Variants in TLK1 observed in about 807,000 individuals in gnomAD.
TLK1 encodes the protein tousled like kinase 1, also known as serine/threonine-protein kinase tousled-like 1.
Under a neutral mutation model 105.3 loss-of-function variants are expected in TLK1, and 24 were observed. That is an observed-to-expected ratio of 0.23 (90% CI 0.17 to 0.32). The LOEUF (loss-of-function observed/expected upper bound fraction) is 0.32, where lower values mean the gene tolerates loss of function less well. TLK1 is among the 10% of genes least tolerant of loss of function. The probability of loss-of-function intolerance (pLI) is 1.00; values close to 1 mark genes in which losing one functional copy is unlikely to be tolerated. For synonymous variants in TLK1, 321 were observed against 310.4 expected (o/e 1.03, Z -0.36); for missense variants, 558 against 910.5 (o/e 0.61, Z 4.98).
intron 1 of TLK1, among the ~76,000 whole-genome samples, chr2:171,134,726 T>G (rs985845118): frequency 2.0e-5 from 1 of 49,402 alleles, no homozygotes; most frequent in Admixed American, 1.7e-4. Flanking sequence ...CTATTTGGCC[T>G]TTTTTTTTTT....
intron 11 of TLK1, among the ~76,000 whole-genome samples, chr2:171,035,022 C>G (rs1407270103): frequency 6.6e-6 from 1 of 151,954 alleles, no homozygotes; most frequent in African/African-American, 2.4e-5. Flanking sequence ...GTGAGTGAGT[C>G]TCACAAGATC....
chr2:171,201,966 A>G (rs1693408505), intron 1 of TLK1, among the ~76,000 whole-genome samples: 1 of 152,148 alleles, frequency 6.6e-6, no homozygotes, highest in Non-Finnish European at 1.5e-5. Context: ...TCTATTATCT[A>G]TCTATCTATC....
intron 20 of TLK1, among the ~76,000 whole-genome samples, chr2:170,995,922 C>T (rs540214849): frequency 1.4e-3 from 216 of 152,234 alleles, no homozygotes; most frequent in African/African-American, 4.5e-3. Context: ...AGGCTGGTCT[C>T]GAACTCCTGG....
chr2:171,202,231 G>A (rs576868826), intron 1 of TLK1, among the ~76,000 whole-genome samples: 28 of 151,628 alleles, frequency 1.8e-4, no homozygotes, highest in Non-Finnish European at 3.5e-4. Flanking sequence ...CGAGGAGGGC[G>A]GATCACCTGA....
At chr2:171,022,591 C>T (rs1685579837) in intron 12 of TLK1, among the ~76,000 whole-genome samples, 1 of 152,144 alleles carries the variant, frequency 6.6e-6, no homozygotes, top group African/African-American at 2.4e-5. Flanking sequence ...ACATCATGTA[C>T]AATGTAGTTG....
At chr2:171,157,219 C>T (rs10177560) in intron 1 of TLK1, among the ~76,000 whole-genome samples, 59,980 of 152,102 alleles carry the variant, frequency 0.39, 13,358 homozygotes, top group African/African-American at 0.59. Context: ...AATCAATCAT[C>T]TGATTCTCAG....
At chr2:171,020,399 G>T (rs1030996483) in intron 12 of TLK1, among the ~76,000 whole-genome samples, 2 of 151,892 alleles carry the variant, frequency 1.3e-5, no homozygotes, top group African/African-American at 4.8e-5. Context: ...AATTAGCCGG[G>T]CATGGTGGCA....
upstream of TLK1, among the ~76,000 whole-genome samples, chr2:171,165,791 A>G (rs963614470): frequency 2.0e-5 from 3 of 151,828 alleles, no homozygotes; most frequent in African/African-American, 7.3e-5. Context: ...CACACCTGTA[A>G]TCCCAGCTAC....
chr2:171,096,757 CAAA>C (rs55784045), intron 2 of TLK1, among the ~76,000 whole-genome samples: 2 of 114,086 alleles, frequency 1.8e-5, no homozygotes, highest in Non-Finnish European at 1.8e-5. Flanking sequence ...GACCCTGTCT[CAAA>C]AAAAAAAAAA....
chr2:171,176,435 C>T (rs570080245), intron 1 of TLK1, among the ~76,000 whole-genome samples: 10 of 152,274 alleles, frequency 6.6e-5, no homozygotes, highest in South Asian at 4.1e-4. Flanking sequence ...ATATCCAAAA[C>T]GGAACTCTTG....
intron 1 of TLK1, among the ~76,000 whole-genome samples, chr2:171,144,988 G>A (rs943855235): frequency 5.3e-5 from 8 of 152,122 alleles, no homozygotes; most frequent in African/African-American, 1.9e-4. Flanking sequence ...TTAGTCATCA[G>A]GGAAATGAAA....
chr2:171,066,842 C>T, intron 3 of TLK1: 1 of 1,550,996 alleles, frequency 6.4e-7, no homozygotes, highest in Non-Finnish European at 8.7e-7. Flanking sequence ...CTCAAATTAC[C>T]TTGCCAGTAG....
chr2:171,075,944 G>A (rs1490296442), intron 3 of TLK1, among the ~76,000 whole-genome samples: 5 of 152,188 alleles, frequency 3.3e-5, no homozygotes, highest in Non-Finnish European at 7.4e-5. Context: ...GGAGGCAGGT[G>A]CGGTGGCTCT....
chr2:171,076,967 C>T (rs745550693), intron 3 of TLK1, among the ~76,000 whole-genome samples: 7 of 151,894 alleles, frequency 4.6e-5, no homozygotes, highest in Non-Finnish European at 7.4e-5. Flanking sequence ...TCAAGAAACA[C>T]GGGCTCTTAT....
At chr2:171,105,719 G>A (rs1412244774) in intron 2 of TLK1, among the ~76,000 whole-genome samples, 1 of 151,940 alleles carries the variant, frequency 6.6e-6, no homozygotes, top group African/African-American at 2.4e-5. Context: ...ACAAATACTA[G>A]TAAGGATGCA....
chr2:171,016,429 C>G (rs1279703804), intron 12 of TLK1, among the ~76,000 whole-genome samples: 3 of 152,098 alleles, frequency 2.0e-5, no homozygotes, highest in African/African-American at 7.2e-5. Flanking sequence ...CCACCATGCC[C>G]GGCTTAGAAT....
At chr2:171,069,147 T>A (rs567084253) in intron 3 of TLK1, among the ~76,000 whole-genome samples, 1 of 152,206 alleles carries the variant, frequency 6.6e-6, no homozygotes, top group South Asian at 2.1e-4. Flanking sequence ...AGAGTACCAT[T>A]TTTGTCCAAG....
At chr2:171,190,294 ACTC>A (rs1182323989) in intron 1 of TLK1, among the ~76,000 whole-genome samples, 2 of 151,154 alleles carry the variant, frequency 1.3e-5, no homozygotes, top group Non-Finnish European at 2.9e-5. Flanking sequence ...TTTCAGGAAA[ACTC>A]CTGCTGCCCA....
At chr2:171,026,752 G>A (rs1186992635) in intron 12 of TLK1, among the ~76,000 whole-genome samples, 8 of 151,988 alleles carry the variant, frequency 5.3e-5, no homozygotes, top group African/African-American at 9.7e-5. Context: ...AGATACTTAC[G>A]ACTCATCCTG....
Sources: gnomAD v4.1 joint callset for allele counts (sites outside exome capture counted in the v4.1 genomes callset) on GRCh38, gnomAD v4.1.1 for gene constraint, MANE v1.5 for transcripts, NCBI Gene and HGNC (gene_info 2026-07-23, HGNC 2026-07-21) for gene names.